KDM4B: variants seen among roughly 807,000 people sequenced by gnomAD.
The protein encoded by KDM4B is lysine-specific demethylase 4B.
A neutral mutation model predicts 125.2 loss-of-function variants in KDM4B; 32 were observed. The ratio of observed to expected loss-of-function variants is 0.26; its 90% CI spans 0.19 to 0.34. The LOEUF (loss-of-function observed/expected upper bound fraction) is 0.34. Among genes scored for constraint, KDM4B ranks in the 10% least tolerant of loss-of-function variants. KDM4B has a pLI of 1.00. For synonymous variants in KDM4B, 721 were observed against 677.9 expected (o/e 1.06, Z -0.99); for missense variants, 1,190 against 1,577.7 (o/e 0.75, Z 4.16).
intron 2 of KDM4B, among the ~76,000 whole-genome samples, chr19:5,029,908 A>G (rs1390559368): frequency 6.6e-6 from 1 of 152,176 alleles, no homozygotes; most frequent in African/African-American, 2.4e-5. Flanking sequence ...CCCTGTGCTG[A>G]GAGTGGCTCC....
chr19:5,065,719 T>TGGTTCC, intron 6 of KDM4B, among the ~76,000 whole-genome samples: 1 of 152,366 alleles, frequency 6.6e-6, no homozygotes, highest in Non-Finnish European at 1.5e-5. Context: ...TTTCATTCCC[T>TGGTTCC]GGTTCCGGCT....
In KDM4B at chr19:5,030,789, A is replaced by G. The variant is rs546239194; in HGVS notation, c.-25-2077A>G. ...TCAGTCGACCATGTCATCATCTGTG[A>G]TGCACAGAGCAGGGCCAGGGACCCG... On this transcript the variant is annotated intron_variant, in intron 2 of 22. Transcript: ENST00000159111. Among the ~76,000 whole-genome samples the G allele has an allele frequency of 2.6e-5, 4 of 152,366 alleles. No homozygotes were observed. The South Asian group carries it at 6.2e-4, about 24-fold the overall frequency.
chr19:5,131,553 G>C lies in KDM4B; in HGVS notation c.1785+8G>C. ...CGGGCCGGAGAGGGGCAGGTGGGGT[G>C]GAGCGGGGGAGGCAGGGAGGAGGGG... On this transcript the variant is annotated splice_region_variant and intron_variant, in intron 12 of 22. Transcript: ENST00000159111. The C allele has an allele frequency of 9.0e-7, 1 of 1,107,296 alleles. No individual in the cohort carries two copies. Among genetic ancestry groups the C allele is most frequent in the Non-Finnish European group, 1.2e-6 (1 of 846,912 alleles). 68.6% of individuals were successfully genotyped at this position (1,107,296 alleles called of 1,614,324 possible).
intron 21 of KDM4B, among the ~76,000 whole-genome samples, chr19:5,146,753 C>T (rs1037377977): frequency 5.1e-5 from 2 of 39,310 alleles, no homozygotes; most frequent in Admixed American, 1.8e-4. Flanking sequence ...AAAGTGAGAC[C>T]CCCCCCCCCC....
chr19:5,148,341 A>G (rs1022940003), intron 21 of KDM4B, among the ~76,000 whole-genome samples: 1 of 152,220 alleles, frequency 6.6e-6, no homozygotes, highest in Non-Finnish European at 1.5e-5. Flanking sequence ...TGACCCAGGC[A>G]CAGAAGTTTC....
At chr19:5,117,198 C>T (rs901643036) in intron 10 of KDM4B, among the ~76,000 whole-genome samples, 2 of 152,128 alleles carry the variant, frequency 1.3e-5, no homozygotes, top group African/African-American at 2.4e-5. Flanking sequence ...GGTTGGGCAC[C>T]AGGACAGTTC....
At chr19:5,019,284 A>C (rs1471522843) in intron 2 of KDM4B, among the ~76,000 whole-genome samples, 1 of 44,392 alleles carries the variant, frequency 2.3e-5, no homozygotes, top group Non-Finnish European at 4.4e-5. Flanking sequence ...TGGTGTGGAC[A>C]TTGGTGTGCA....
intron 9 of KDM4B, among the ~76,000 whole-genome samples, chr19:5,106,568 C>T (rs920841556): frequency 6.6e-6 from 1 of 152,202 alleles, no homozygotes; most frequent in Non-Finnish European, 1.5e-5. Context: ...CGGCAGCCAC[C>T]CCTCCCTCTG....
At chr19:5,087,368 C>T (rs1011961978) in intron 9 of KDM4B, among the ~76,000 whole-genome samples, 4 of 152,204 alleles carry the variant, frequency 2.6e-5, no homozygotes, top group Admixed American at 6.5e-5. Context: ...TCCCCACCCC[C>T]GGCTCTCCAC....
At chr19:5,044,417 C>T (rs1472274697) in intron 5 of KDM4B, among the ~76,000 whole-genome samples, 6 of 148,878 alleles carry the variant, frequency 4.0e-5, no homozygotes, top group Admixed American at 6.7e-5. Flanking sequence ...CCTTATCCCA[C>T]GCGGTGTTTA....
At chr19:5,027,957 A>G (rs763806855) in intron 2 of KDM4B, among the ~76,000 whole-genome samples, 30 of 152,224 alleles carry the variant, frequency 2.0e-4, no homozygotes, top group South Asian at 4.1e-4. Context: ...TTGTGCAACT[A>G]TCATCACAAT....
At position 5,081,720 on chromosome 19, in the gene KDM4B, T is replaced by C. The variant is rs373925113; in HGVS notation, c.781-647T>C. On this transcript the variant is annotated intron_variant, in intron 8 of 22. Transcript: ENST00000159111. The surrounding 1 kb of genome is among the most constrained non-coding windows in gnomAD (Gnocchi z 4.2). The stretch of plus-strand genomic sequence containing the variant: ...ATATTTCTGGATCTCCATGACTTCA[T>C]GGAGATCCCCTTGTTGAGATACAAT... Among the ~76,000 whole-genome samples, 5 of 152,282 alleles carry C rather than the reference T, an allele frequency of 3.3e-5. No individual in the cohort carries two copies. The highest frequency in any genetic ancestry group is 1.2e-4 in the African/African-American group (5 of 41,576).
At chr19:5,020,282 G>A (rs1015573636) in intron 2 of KDM4B, among the ~76,000 whole-genome samples, 1 of 148,952 alleles carries the variant, frequency 6.7e-6, no homozygotes, top group Admixed American at 6.7e-5. Context: ...GTATGCAGAT[G>A]GTGTAGATGT....
chr19:5,099,074 C>T (rs1036604954), intron 9 of KDM4B, among the ~76,000 whole-genome samples: 1 of 152,220 alleles, frequency 6.6e-6, no homozygotes. Context: ...AACCTGGTCA[C>T]ATAGAACAAC....
At chr19:5,007,613 A>G (rs1318039158) in intron 1 of KDM4B, among the ~76,000 whole-genome samples, 2 of 145,106 alleles carry the variant, frequency 1.4e-5, no homozygotes, top group African/African-American at 5.2e-5. Context: ...TGGCACAAAC[A>G]TAGCTCACTG....
chr19:5,137,693 G>A lies in KDM4B; in HGVS notation c.2441+17G>A, dbSNP rs771013631. 12 of 1,569,808 alleles carry A rather than the reference G, an allele frequency of 7.6e-6. No individual in the cohort carries two copies. Among genetic ancestry groups the A allele is most frequent in the East Asian group, 4.5e-5 (2 of 44,412 alleles). Reference sequence around the variant, plus strand: ...CGATAGGAGGTGGGTGGCACCGCGCGTTGGGGCTGGAGGGCCGGAGGGGAG... The same window carrying A: ...CGATAGGAGGTGGGTGGCACCGCGCATTGGGGCTGGAGGGCCGGAGGGGAG... On this transcript the variant is annotated intron_variant, in intron 17 of 22. Transcript: ENST00000159111.
intron 6 of KDM4B, among the ~76,000 whole-genome samples, chr19:5,059,589 G>A (rs958217377): frequency 6.6e-6 from 1 of 152,200 alleles, no homozygotes; most frequent in Non-Finnish European, 1.5e-5. Flanking sequence ...ACAGGAGCGC[G>A]TAGCCTCATG....
intron 1 of KDM4B, among the ~76,000 whole-genome samples, chr19:5,014,855 C>T (rs2035841512): frequency 6.6e-6 from 1 of 152,104 alleles, no homozygotes; most frequent in African/African-American, 2.4e-5. Context: ...ATTAGCCGGG[C>T]ATGGTGGCGG....
At chr19:5,005,504 GA>G (rs887674154) in intron 1 of KDM4B, among the ~76,000 whole-genome samples, 1 of 152,160 alleles carries the variant, frequency 6.6e-6, no homozygotes, top group Non-Finnish European at 1.5e-5. Flanking sequence ...TTAACATGGG[GA>G]GCCCCCTTTA....
Sources: allele counts gnomAD v4.1 joint callset (sites outside exome capture counted in the v4.1 genomes callset), GRCh38; gene constraint gnomAD v4.1.1; non-coding constraint Gnocchi (gnomAD v3.1); transcripts MANE v1.5; gene names NCBI Gene and HGNC (gene_info 2026-07-23, HGNC 2026-07-21).